Variants in SZT2 observed in about 807,000 individuals in gnomAD.
The protein encoded by SZT2 is KICSTOR complex protein SZT2.
In SZT2, 216 loss-of-function variants were observed where a neutral mutation model predicts 404.2. The ratio of observed to expected loss-of-function variants is 0.53; its 90% CI spans 0.48 to 0.60. The LOEUF is 0.60. Among genes scored for constraint, SZT2 ranks in the 20% least tolerant of loss-of-function variants. The probability of loss-of-function intolerance (pLI) is 0.00; values close to 1 mark genes in which losing one functional copy is unlikely to be tolerated. For synonymous variants in SZT2, 1,693 were observed against 1,749.9 expected, an observed-to-expected ratio of 0.97 and a Z score of 0.81; for missense variants, 3,857 against 4,459.2, an observed-to-expected ratio of 0.86 and a Z score of 3.85.
intron 42 of SZT2, chr1:43,436,095 ACTTCT>A (rs1284768749): frequency 6.6e-6 from 1 of 152,194 alleles, no homozygotes; most frequent in Admixed American, 6.5e-5. Context: ...AAGTCTCGAC[ACTTCT>A]CCCTTCTCTT....
intron 11 of SZT2, 39 bp from the exon 12 acceptor site, chr1:43,422,044 C>T: frequency 1.3e-6 from 2 of 1,560,840 alleles, no homozygotes; most frequent in Non-Finnish European, 1.7e-6. Context: ...CCCTGGTCCT[C>T]TGCAAATGCT....
chr1:43,443,710 C>T lies in SZT2; in HGVS notation c.8739C>T (p.Ser2913=). ...AREEPWLKEL[S]LAFLQQYVQY... ...AGGAGCCTTGGCTGAAGGAGCTGAG[C>T]TTGGCTTTCCTGCAGCAATATGTGC... The change falls in exon 62 of 72, where the codon AGC becomes AGT. Residue 2913 remains serine (S), a synonymous_variant. Transcript: ENST00000634258. 2 of 1,614,250 alleles carry T rather than the reference C, an allele frequency of 1.2e-6. No homozygotes were observed. The highest frequency in any genetic ancestry group is 2.2e-5 in the East Asian group (1 of 44,886).
chr1:43,430,641 C>T lies in SZT2; in HGVS notation c.4626C>T (p.Asp1542=), dbSNP rs1653756977. ...TAGACACTGTGAATCCTGATGAAGA[C>T]TCCTTCAGTATCTTGGGGGGCGACT... ...SDVDTVNPDE[D]SFSILGGDSP... is the part of the protein sequence containing the mutation. Residue 1542 remains aspartate (D), a synonymous_variant, in exon 32 of 72, where the codon GAC becomes GAT. Coordinates refer to ENST00000634258, the MANE Select transcript of SZT2 (RefSeq NM_001365999.1). 1 of 1,614,066 alleles carries T rather than the reference C, an allele frequency of 6.2e-7. No homozygotes were observed. Among genetic ancestry groups the T allele is most frequent in the Non-Finnish European group, 8.5e-7 (1 of 1,180,044 alleles).
Position 43,451,409 on chromosome 1 carries a change from C to T in SZT2, c.*929C>T, listed in dbSNP as rs767293920. The T allele has an allele frequency of 3.1e-6, 5 of 1,612,458 alleles. No individual in the cohort carries two copies. The highest frequency in any genetic ancestry group is 1.7e-5 in the Admixed American group (1 of 60,034). ...CTCCCTTCCCCAGGGCCACGCCTCA[C>T]CTCGAGGCTGATACTCACAGCCCAC... On this transcript the variant is annotated 3_prime_UTR_variant, in exon 72 of 72. Transcript: ENST00000634258.
chr1:43,437,017 C>G lies in SZT2; in HGVS notation c.6035-154C>G, dbSNP rs1322769979. 14 of 973,980 alleles carry G rather than the reference C, an allele frequency of 1.4e-5. No individual in the cohort carries two copies. The highest frequency in any genetic ancestry group is 1.2e-4 in the East Asian group (5 of 40,062). The allele number at this position is 973,980 out of a possible 1,614,324, so 60.3% of individuals were successfully genotyped here. On this transcript the variant is annotated intron_variant, in intron 42 of 71. Transcript: ENST00000634258. This position sits in a 1 kb window ranked among gnomAD's most constrained non-coding sequence, Gnocchi z 5.3. ...TCCTAAGGGCATGCATCTGCCTGGCCCTGTCGTGTTACCCAGAATGATCAT... is the reference window on the plus strand; with the variant it reads ...TCCTAAGGGCATGCATCTGCCTGGCGCTGTCGTGTTACCCAGAATGATCAT...
In SZT2 at chr1:43,446,992, G is replaced by A. The variant is rs199743574; in HGVS notation, c.9110G>A (p.Arg3037Gln). The A allele has an allele frequency of 2.2e-5, 35 of 1,613,408 alleles. No individual in the cohort carries two copies. The highest frequency in any genetic ancestry group is 2.9e-5 in the Non-Finnish European group (34 of 1,180,012). The change falls in exon 66 of 72, where the codon CGG becomes CAG. Residue 3037 changes from arginine (R) to glutamine (Q), a missense_variant. Transcript: ENST00000634258. ...TTCACAGAGGAGTGTGACAAGGTGC[G>A]GGACCTGATGCACGTGCACTCGTTC... Reference protein sequence around the residue: ...MLFTEECDKVRDLMHVHSFSY... With the variant: ...MLFTEECDKVQDLMHVHSFSY...
At chr1:43,423,801 G>C (rs1052578980) in intron 15 of SZT2, among the ~76,000 whole-genome samples, 2 of 149,264 alleles carry the variant, frequency 1.3e-5, no homozygotes, top group East Asian at 2.0e-4. Context: ...ACTTAGGGGG[G>C]TATGAGTGAT....
At chr1:43,421,792 C>T (rs901848234) in intron 11 of SZT2, among the ~76,000 whole-genome samples, 4 of 152,206 alleles carry the variant, frequency 2.6e-5, no homozygotes, top group African/African-American at 9.6e-5. Context: ...TGAGGTCCTG[C>T]CACCATTTAG....
In SZT2 at chr1:43,441,325, A is replaced by G; in HGVS notation, c.7456A>G (p.Thr2486Ala). 6.2e-7 allele frequency: 1 copy of G among 1,614,030 alleles called. No individual in the cohort carries two copies. Among genetic ancestry groups the G allele is most frequent in the Non-Finnish European group, 8.5e-7 (1 of 1,180,020 alleles). Reference sequence around the variant, plus strand: ...GCGTCACAAAACCGAGAGTGTTCGGACTCCTGGTGGAGCTGAGCGGGCGCC... The same window carrying G: ...GCGTCACAAAACCGAGAGTGTTCGGGCTCCTGGTGGAGCTGAGCGGGCGCC... ...RRRHKTESVRTPGGAERAPGS... is the reference protein window; with the variant it reads ...RRRHKTESVRAPGGAERAPGS... Residue 2486 changes from threonine (T) to alanine (A), a missense_variant, in exon 53 of 72, where the codon ACT becomes GCT. By Grantham distance (58) the Thr-to-Ala change is moderately conservative. Transcript: ENST00000634258. The surrounding 1 kb of genome is among the most constrained non-coding windows in gnomAD (Gnocchi z 4.8).
In SZT2 at chr1:43,448,839, C is replaced by A; in HGVS notation, c.10086+111C>A. On this transcript the variant is annotated intron_variant, in intron 70 of 71. Coordinates refer to ENST00000634258, the MANE Select transcript of SZT2 (RefSeq NM_001365999.1). This position sits in a 1 kb window ranked among gnomAD's most constrained non-coding sequence, Gnocchi z 4.2. ...GCTCTGCTCTGGAGGGAGGCCTAGA[C>A]AGAACGGGACTACACAGATACATGT... is the stretch of plus-strand genomic sequence containing the variant. The A allele has an allele frequency of 3.1e-6, 3 of 960,664 alleles. No homozygotes were observed. The highest frequency in any genetic ancestry group is 1.4e-5 in the South Asian group (1 of 73,336). 59.5% of individuals were successfully genotyped at this position (960,664 alleles called of 1,614,324 possible). A position where few individuals can be genotyped will look rare whatever the true frequency, so the allele number is the denominator to read the frequency against.
chr1:43,432,697 G>C, intron 38 of SZT2, 31 bp from the exon 39 acceptor site: 1 of 1,613,782 alleles, frequency 6.2e-7, no homozygotes, highest in Admixed American at 1.7e-5. Context: ...AGGATTGAGA[G>C]AGGCTCCAGG....
chr1:43,425,472 A>G lies in SZT2; in HGVS notation c.2646-2A>G. ...TTGGACTCAGAGCCCTTCCTCCTTT[A>G]GCTTCTCGACAGATGATGACAATGA... On this transcript the variant is annotated splice_acceptor_variant, in intron 18 of 71. Coordinates refer to ENST00000634258, the MANE Select transcript of SZT2 (RefSeq NM_001365999.1). LOFTEE classifies it high-confidence loss of function. The surrounding 1 kb of genome is among the most constrained non-coding windows in gnomAD (Gnocchi z 4.3). 6.2e-7 allele frequency: 1 copy of G among 1,613,972 alleles called. No homozygotes were observed. Among genetic ancestry groups the G allele is most frequent in the Non-Finnish European group, 8.5e-7 (1 of 1,179,990 alleles).
In SZT2 at chr1:43,403,564, G is replaced by A. The variant is rs710249; in HGVS notation, c.154-37G>A. On this transcript the variant is annotated intron_variant, in intron 2 of 71. Coordinates refer to ENST00000634258, the MANE Select transcript of SZT2 (RefSeq NM_001365999.1). ...GGTCCTGGGAAGAAAGGGATACTTC[G>A]CTGATCCTTTCCTTTTCTTTCCATC... The A allele has an allele frequency of 1.7e-5, 27 of 1,599,410 alleles. No individual in the cohort carries two copies. In the East Asian group the frequency reaches 2.2e-4, roughly 13 times the overall value.
intron 26 of SZT2, 22 bp downstream of exon 26, chr1:43,427,756 C>G: frequency 6.2e-7 from 1 of 1,610,360 alleles, no homozygotes; most frequent in South Asian, 1.1e-5. Context: ...CAGTGTTGAC[C>G]TAAGTCCTCG....
At chr1:43,434,599 T>A in intron 41 of SZT2, 114 bp downstream of exon 41, 1 of 979,116 alleles carries the variant, frequency 1.0e-6, no homozygotes, top group East Asian at 2.7e-5. Context: ...TTATGGAAAG[T>A]TTTTGACTTC....
Position 43,424,508 on chromosome 1 carries a change from T to C in SZT2, c.2471+76T>C. On this transcript the variant is annotated intron_variant, in intron 16 of 71. Coordinates refer to ENST00000634258, the MANE Select transcript of SZT2 (RefSeq NM_001365999.1). The surrounding 1 kb of genome is among the most constrained non-coding windows in gnomAD (Gnocchi z 4.1). Reference sequence around the variant, plus strand: ...TAGACTGGGACACTAGCAAAAAGCCTATAGCACACACTTCTCCTCTCTAAT... The same window carrying C: ...TAGACTGGGACACTAGCAAAAAGCCCATAGCACACACTTCTCCTCTCTAAT... 1 of 1,421,992 alleles carries C rather than the reference T, an allele frequency of 7.0e-7. No homozygotes were observed. The highest frequency in any genetic ancestry group is 9.7e-7 in the Non-Finnish European group (1 of 1,031,118). 88.1% of individuals were successfully genotyped at this position (1,421,992 alleles called of 1,614,324 possible). A position where few individuals can be genotyped will look rare whatever the true frequency, so the allele number is the denominator to read the frequency against.
At chr1:43,445,237 C>T (rs1456031816) in intron 62 of SZT2, 2 of 152,410 alleles carry the variant, frequency 1.3e-5, no homozygotes, top group African/African-American at 4.8e-5. Context: ...TCTTCCCTTC[C>T]CACCAATCTT....
rs986904318 is a variant in SZT2, at chr1:43,453,601, G to A, written c.*3121G>A. The A allele has an allele frequency of 4.7e-5, 71 of 1,526,556 alleles. No homozygotes were observed. Among genetic ancestry groups the A allele is most frequent in the Non-Finnish European group, 6.1e-5 (69 of 1,137,322 alleles). The allele number at this position is 1,526,556 out of a possible 1,614,324, so 94.6% of individuals were successfully genotyped here. On this transcript the variant is annotated 3_prime_UTR_variant, in exon 72 of 72. Coordinates refer to ENST00000634258, the MANE Select transcript of SZT2 (RefSeq NM_001365999.1). ...CTCCCGGCCCGCGACGCACCCGGGG[G>A]CGTGTTGATCAGTACAAGCCGCAGC...
In SZT2 at chr1:43,422,594, A is replaced by G. The variant is rs781744901; in HGVS notation, c.1884A>G (p.Val628=). 3.1e-6 allele frequency: 5 copies of G among 1,597,696 alleles called. No homozygotes were observed. The South Asian group carries it at 5.5e-5, about 18-fold the overall frequency. Residue 628 remains valine, a synonymous_variant, in exon 13 of 72, where the codon GTA becomes GTG. Coordinates refer to ENST00000634258, the MANE Select transcript of SZT2 (RefSeq NM_001365999.1). ...TGCTGCGGGACTGGAGCAGCTTCGT[A>G]CTAGTCGAGGGCTATTCTTATGTTA... ...TSLLRDWSSF[V]LVEGYSYVKL...
Sources: gnomAD v4.1 joint callset for allele counts (sites outside exome capture counted in the v4.1 genomes callset) on GRCh38, gnomAD v4.1.1 for gene constraint, Gnocchi (gnomAD v3.1) non-coding constraint, MANE v1.5 for transcripts, NCBI Gene and HGNC (gene_info 2026-07-23, HGNC 2026-07-21) for gene names.